DPP10: variants seen among roughly 807,000 people sequenced by gnomAD.
The protein encoded by DPP10 is inactive dipeptidyl peptidase 10.
Under a neutral mutation model 120.9 loss-of-function variants are expected in DPP10, and 33 were observed. The ratio of observed to expected loss-of-function variants is 0.27; its 90% confidence interval spans 0.21 to 0.37. The LOEUF (loss-of-function observed/expected upper bound fraction) is 0.37, where lower values mean the gene tolerates loss of function less well. DPP10 is among the 10% of genes least tolerant of loss of function. The pLI, the probability that DPP10 is intolerant of heterozygous loss-of-function variation, is 1.00. For missense variants in DPP10, 816 were observed against 942.8 expected, an observed-to-expected ratio of 0.87 and a Z score of 1.76; for synonymous variants, 337 against 326.1, an observed-to-expected ratio of 1.03 and a Z score of -0.36.
chr2:115,574,865 G>A (rs571825790), intron 5 of DPP10, among the ~76,000 whole-genome samples: 3 of 152,214 alleles, frequency 2.0e-5, no homozygotes, highest in South Asian at 2.1e-4. Flanking sequence ...TGTCCGTGGC[G>A]GCTTGTTTAC....
rs1222525224 is a variant in DPP10, at chr2:115,767,507, A to T, written c.1114-790A>T. Among the ~76,000 whole-genome samples the T allele has an allele frequency of 8.3e-5, 12 of 145,164 alleles. No homozygotes were observed. The East Asian group carries it at 9.7e-4, about 12-fold the overall frequency. ...TGTGTGTGTATATATATATACACAT[A>T]GTGTGTGTGTATATATATACATAAA... is the stretch of plus-strand genomic sequence containing the variant. On this transcript the variant is annotated intron_variant, in intron 12 of 25. Transcript: ENST00000410059.
chr2:115,246,484 C>G (rs925927195), intron 1 of DPP10, among the ~76,000 whole-genome samples: 1 of 152,074 alleles, frequency 6.6e-6, no homozygotes, highest in Non-Finnish European at 1.5e-5. Flanking sequence ...TCTGAGAACA[C>G]TGTAAACTGA....
At chr2:115,462,890 C>T (rs1225169349) in intron 3 of DPP10, among the ~76,000 whole-genome samples, 3 of 152,078 alleles carry the variant, frequency 2.0e-5, no homozygotes, top group South Asian at 2.1e-4. Context: ...CCACCATGCC[C>T]GGCTAATTGT....
chr2:115,200,734 C>G (rs1197511554), intron 1 of DPP10, among the ~76,000 whole-genome samples: 2 of 152,196 alleles, frequency 1.3e-5, no homozygotes, highest in Non-Finnish European at 2.9e-5. Flanking sequence ...TGGACTCTTT[C>G]TGAACCTATT....
chr2:114,653,656 A>T (rs1289644850), intron 1 of DPP10, among the ~76,000 whole-genome samples: 1 of 152,158 alleles, frequency 6.6e-6, no homozygotes, highest in Non-Finnish European at 1.5e-5. Flanking sequence ...AGTGTCCTTC[A>T]ATAAGATAGA....
At chr2:115,395,443 C>T (rs746873843) in intron 3 of DPP10, among the ~76,000 whole-genome samples, 1 of 152,310 alleles carries the variant, frequency 6.6e-6, no homozygotes, top group Non-Finnish European at 1.5e-5. Flanking sequence ...CAGAAGGACA[C>T]AGTTCATCCC....
At chr2:115,409,509 T>C (rs1026561626) in intron 3 of DPP10, among the ~76,000 whole-genome samples, 1 of 152,124 alleles carries the variant, frequency 6.6e-6, no homozygotes, top group Non-Finnish European at 1.5e-5. Flanking sequence ...AATTAAAAAA[T>C]AATAGACATT....
intron 8 of DPP10, among the ~76,000 whole-genome samples, chr2:115,733,723 C>T (rs2092965792): frequency 6.6e-6 from 1 of 152,058 alleles, no homozygotes; most frequent in South Asian, 2.1e-4. Context: ...TTAATCTAAA[C>T]ACAATCGTTG....
chr2:114,703,761 A>G (rs548355463), intron 1 of DPP10, among the ~76,000 whole-genome samples: 1 of 152,296 alleles, frequency 6.6e-6, no homozygotes, highest in East Asian at 1.9e-4. Context: ...TAAAATAGAA[A>G]TGTTGAAACT....
intron 1 of DPP10, among the ~76,000 whole-genome samples, chr2:114,781,074 A>C (rs1558735274): frequency 6.6e-6 from 1 of 152,130 alleles, no homozygotes; most frequent in African/African-American, 2.4e-5. Flanking sequence ...GATTGTCACA[A>C]AGTCCGATGT....
At chr2:115,396,582 T>G (rs1034315429) in intron 3 of DPP10, among the ~76,000 whole-genome samples, 5 of 152,226 alleles carry the variant, frequency 3.3e-5, no homozygotes, top group African/African-American at 1.2e-4. Context: ...TGGTAGTTGT[T>G]GTGTCTTTCT....
intron 1 of DPP10, among the ~76,000 whole-genome samples, chr2:114,756,955 A>G (rs1469553422): frequency 6.6e-6 from 1 of 152,170 alleles, no homozygotes; most frequent in Non-Finnish European, 1.5e-5. Context: ...ATGAGGTTAC[A>G]CAGTCCTCAA....
chr2:115,373,607 T>A (rs1216235641), intron 3 of DPP10, among the ~76,000 whole-genome samples: 1 of 152,046 alleles, frequency 6.6e-6, no homozygotes, highest in African/African-American at 2.4e-5. Context: ...GGAAGAATGT[T>A]TTCAAAAGAG....
intron 8 of DPP10, among the ~76,000 whole-genome samples, chr2:115,729,775 T>C (rs1474455393): frequency 6.6e-6 from 1 of 151,688 alleles, no homozygotes; most frequent in African/African-American, 2.4e-5. Context: ...GATCCTTACC[T>C]CTTAAAACAA....
Position 114,969,820 on chromosome 2 carries a change from G to A in DPP10, c.61-339419G>A, listed in dbSNP as rs543203093. Among the ~76,000 whole-genome samples, 3 of 152,256 alleles carry A rather than the reference G, an allele frequency of 2.0e-5. No homozygotes were observed. The East Asian group carries it at 5.8e-4, about 29-fold the overall frequency. On this transcript the variant is annotated intron_variant, in intron 1 of 25. Transcript: ENST00000410059. ...GTCCAGGGATCTAAAGGATGCACCT[G>A]GCTCCAAACTGTTTCAATAGAGAAG...
At chr2:115,457,433 AG>A (rs2073655554) in intron 3 of DPP10, among the ~76,000 whole-genome samples, 1 of 152,160 alleles carries the variant, frequency 6.6e-6, no homozygotes, top group South Asian at 2.1e-4. Flanking sequence ...GAGAATGAAA[AG>A]TCAGGGAGAA....
chr2:114,474,187 A>T (rs1573432277), intron 1 of DPP10, among the ~76,000 whole-genome samples: 1 of 152,168 alleles, frequency 6.6e-6, no homozygotes, highest in Non-Finnish European at 1.5e-5. Context: ...CAAACTCCTT[A>T]CCTAGTGATC....
chr2:115,478,063 A>C (rs1418440108), intron 3 of DPP10, among the ~76,000 whole-genome samples: 1 of 152,158 alleles, frequency 6.6e-6, no homozygotes, highest in Non-Finnish European at 1.5e-5. Flanking sequence ...TCATTACCAA[A>C]AGGATGGCAC....
rs1702939579 is a variant in DPP10 at position 115,019,832 on chromosome 2, TGAGC to T, written c.61-289406_61-289403del. Among the ~76,000 whole-genome samples the T allele has an allele frequency of 3.9e-5, 6 of 152,342 alleles. No homozygotes were observed. In the South Asian group the frequency reaches 1.2e-3, roughly 32 times the overall value. On this transcript the variant is annotated intron_variant, in intron 1 of 25. Coordinates refer to ENST00000410059, the MANE Select transcript of DPP10 (RefSeq NM_020868.6). ...AGCAGATTTCTCAGCAGAAACTCTA[TGAGC>T]TAGAAGGGACCTGGGTCCTATCTTT... is the stretch of plus-strand genomic sequence containing the variant.
Sources: allele counts gnomAD v4.1 joint callset (sites outside exome capture counted in the v4.1 genomes callset), GRCh38; gene constraint gnomAD v4.1.1; transcripts MANE v1.5; gene names NCBI Gene and HGNC (gene_info 2026-07-23, HGNC 2026-07-21).